Variants in TMEM192 observed in about 807,000 individuals in gnomAD.
The protein encoded by TMEM192 is transmembrane protein 192.
In TMEM192, 20 loss-of-function variants were observed where a neutral mutation model predicts 26.7. The ratio of observed to expected loss-of-function variants is 0.75; its 90% CI spans 0.53 to 1.09. The LOEUF (loss-of-function observed/expected upper bound fraction) is 1.09. TMEM192 is among the 50% of genes least tolerant of loss of function. TMEM192 has a pLI of 0.00. For missense variants in TMEM192, 304 were observed against 322.6 expected (o/e 0.94, Z 0.44); for synonymous variants, 124 against 121.0 (o/e 1.02, Z -0.16).
In TMEM192 at chr4:165,081,604, G is replaced by A. The variant is rs1195078401; in HGVS notation, c.678-1808C>T. 1.4e-4 allele frequency among the ~76,000 whole-genome samples: 5 copies of A among 36,940 alleles called. 2 individuals are homozygous for A. The highest frequency in any genetic ancestry group is 7.4e-4 in the Admixed American group (2 of 2,686). 24.2% of individuals were successfully genotyped at this position (36,940 alleles called of 152,430 possible). A position where few individuals can be genotyped will look rare whatever the true frequency, so the allele number is the denominator to read the frequency against. ...GATGGGGTTTCACCATATTAGCCAG[G>A]ATGGTCTCGATATCCTGACCCCATG... On this transcript the variant is annotated intron_variant, in intron 5 of 5. Coordinates refer to ENST00000306480, the MANE Select transcript of TMEM192 (RefSeq NM_001100389.2).
intron 3 of TMEM192, among the ~76,000 whole-genome samples, chr4:165,096,740 A>G (rs1021506962): frequency 6.6e-6 from 1 of 151,998 alleles, no homozygotes; most frequent in Non-Finnish European, 1.5e-5. Context: ...CATAAACGTG[A>G]TATCACCTGT....
rs989010782 is a variant in TMEM192, at chr4:165,073,204, G to C, written c.*6454C>G. The C allele has an allele frequency of 1.3e-5, 2 of 153,060 alleles. No homozygotes were observed. Among genetic ancestry groups the C allele is most frequent in the African/African-American group, 4.8e-5 (2 of 41,440 alleles). 9.5% of individuals were successfully genotyped at this position (153,060 alleles called of 1,614,324 possible). ...AAGAAGACATAAGAAACTCCATTTT[G>C]ATCTGTACTAAGAAAAATTGTTTCT... On this transcript the variant is annotated 3_prime_UTR_variant, in exon 6 of 6. Coordinates refer to ENST00000306480, the MANE Select transcript of TMEM192 (RefSeq NM_001100389.2).
Position 165,079,343 on chromosome 4 carries a change from T to A in TMEM192, c.*315A>T, listed in dbSNP as rs1041513946. On this transcript the variant is annotated 3_prime_UTR_variant, in exon 6 of 6. Coordinates refer to ENST00000306480, the MANE Select transcript of TMEM192 (RefSeq NM_001100389.2). The stretch of plus-strand genomic sequence containing the variant: ...TAATGAAATCATTACAGGGTTCTAA[T>A]GTCAGGTGGAAAAGTGTTGACTATG... 4.1e-6 allele frequency: 1 copy of A among 244,286 alleles called. No homozygotes were observed. Among genetic ancestry groups the A allele is most frequent in the Non-Finnish European group, 7.8e-6 (1 of 128,668 alleles). The allele number at this position is 244,286 out of a possible 1,614,324, so 15.1% of individuals were successfully genotyped here. A position where few individuals can be genotyped will look rare whatever the true frequency, so the allele number is the denominator to read the frequency against.
intron 3 of TMEM192, among the ~76,000 whole-genome samples, chr4:165,092,908 AT>A (rs1578905358): frequency 6.6e-6 from 1 of 151,660 alleles, no homozygotes; most frequent in Non-Finnish European, 1.5e-5. Flanking sequence ...TAAAAAAAAA[AT>A]AATAAAAATA....
rs1266551381 is a variant in TMEM192 at position 165,079,619 on chromosome 4, CTGGG to C, written c.*35_*38del. On this transcript the variant is annotated 3_prime_UTR_variant, in exon 6 of 6. Transcript: ENST00000306480. ...AGGTGGTCAGTCAGTCTCAATTACT[CTGGG>C]TTCCTCTGCAATTGCTGTCATGACC... is the stretch of plus-strand genomic sequence containing the variant. 6.3e-7 allele frequency: 1 copy of C among 1,584,348 alleles called. No individual in the cohort carries two copies. The highest frequency in any genetic ancestry group is 1.8e-5 in the Admixed American group (1 of 56,232).
chr4:165,090,061 A>T (rs550398424), intron 3 of TMEM192, among the ~76,000 whole-genome samples: 1 of 151,968 alleles, frequency 6.6e-6, no homozygotes, highest in East Asian at 1.9e-4. Context: ...AAAATACAAA[A>T]TTAGCTGGGC....
chr4:165,081,044 G>GA (rs1409779463), intron 5 of TMEM192, among the ~76,000 whole-genome samples: 2 of 151,932 alleles, frequency 1.3e-5, no homozygotes, highest in Non-Finnish European at 2.9e-5. Flanking sequence ...AGCATAACAT[G>GA]AAAAAAACTT....
intron 3 of TMEM192, among the ~76,000 whole-genome samples, chr4:165,094,186 C>A (rs1299072154): frequency 6.6e-6 from 1 of 152,164 alleles, no homozygotes; most frequent in African/African-American, 2.4e-5. Flanking sequence ...CAGGCGTGAG[C>A]CACAGCACCT....
At chr4:165,109,872 G>T (rs1735253551) in intron 1 of TMEM192, among the ~76,000 whole-genome samples, 2 of 152,086 alleles carry the variant, frequency 1.3e-5, no homozygotes, top group African/African-American at 4.8e-5. Context: ...CTATAAAACT[G>T]GCCTTGTTAA....
chr4:165,097,505 A>AAG (rs1172218603), intron 3 of TMEM192, among the ~76,000 whole-genome samples: 1 of 149,410 alleles, frequency 6.7e-6, no homozygotes, highest in East Asian at 1.9e-4. Flanking sequence ...AAAAAAAAAA[A>AAG]AAAAAGAAAA....
At position 165,107,302 on chromosome 4, in the gene TMEM192, G is replaced by A. The variant is rs1031777511; in HGVS notation, c.28-4206C>T. Among the ~76,000 whole-genome samples, 98 of 147,228 alleles carry A rather than the reference G, an allele frequency of 6.7e-4. 1 individual carries two copies. Among genetic ancestry groups the A allele is most frequent in the African/African-American group, 2.3e-3 (93 of 39,698 alleles). ...CTCCCAAAGTGCTGGGATTACAGGTGTGAACCACTGTACCCAACCTTTTTT... is the reference window on the plus strand; with the variant it reads ...CTCCCAAAGTGCTGGGATTACAGGTATGAACCACTGTACCCAACCTTTTTT... On this transcript the variant is annotated intron_variant, in intron 1 of 5. Transcript: ENST00000306480.
chr4:165,077,911 G>T lies in TMEM192; in HGVS notation c.*1747C>A. The stretch of plus-strand genomic sequence containing the variant: ...AATTTGGCTTTAGTTTGTGAATGTT[G>T]TGTGCAGGTGACACACGATCTTTTT... On this transcript the variant is annotated 3_prime_UTR_variant, in exon 6 of 6. Coordinates refer to ENST00000306480, the MANE Select transcript of TMEM192 (RefSeq NM_001100389.2). 6.6e-6 allele frequency: 1 copy of T among 150,798 alleles called. No individual in the cohort carries two copies. The highest frequency in any genetic ancestry group is 1.5e-5 in the Non-Finnish European group (1 of 67,786). 9.3% of individuals were successfully genotyped at this position (150,798 alleles called of 1,614,324 possible).
At chr4:165,106,785 G>A (rs1735169787) in intron 1 of TMEM192, among the ~76,000 whole-genome samples, 1 of 152,182 alleles carries the variant, frequency 6.6e-6, no homozygotes, top group Non-Finnish European at 1.5e-5. Context: ...AACTTGGACT[G>A]AGCCACTACC....
chr4:165,112,611 G>A, intron 1 of TMEM192, 136 bp downstream of exon 1: 1 of 1,316,614 alleles, frequency 7.6e-7, no homozygotes, highest in African/African-American at 1.5e-5. Context: ...GGCCTCCCCG[G>A]GCACAGGCGG....
intron 1 of TMEM192, among the ~76,000 whole-genome samples, chr4:165,106,486 G>C (rs1381369579): frequency 6.6e-6 from 1 of 152,222 alleles, no homozygotes; most frequent in Non-Finnish European, 1.5e-5. Flanking sequence ...TGAGTCAGTG[G>C]ACTGGGAGAG....
intron 5 of TMEM192, among the ~76,000 whole-genome samples, chr4:165,084,158 G>T (rs1156978466): frequency 6.6e-6 from 1 of 151,494 alleles, no homozygotes; most frequent in Non-Finnish European, 1.5e-5. Context: ...TAGTACATCA[G>T]TAATGGCACT....
At chr4:165,083,848 G>A (rs1560925796) in intron 5 of TMEM192, among the ~76,000 whole-genome samples, 1 of 25,944 alleles carries the variant, frequency 3.9e-5, no homozygotes, top group African/African-American at 6.6e-5. Flanking sequence ...TCGAGACAGA[G>A]TCTTGCTCTG....
intron 3 of TMEM192, among the ~76,000 whole-genome samples, chr4:165,092,112 C>CTTTTTTTTTTTTTTTTTT (rs35641833): frequency 2.8e-5 from 2 of 72,074 alleles, no homozygotes; most frequent in African/African-American, 1.3e-4. Context: ...TAATGCTGTT[C>CTTTTTTTTTTTTTTTTTT]TTTTTTTTTT....
intron 1 of TMEM192, chr4:165,111,804 C>T (rs146954947): frequency 1.3e-4 from 20 of 152,310 alleles, no homozygotes; most frequent in African/African-American, 4.6e-4. Flanking sequence ...TCATGTTTCT[C>T]TTCCTTTTCC....
Sources: allele counts gnomAD v4.1 joint callset (sites outside exome capture counted in the v4.1 genomes callset), GRCh38; gene constraint gnomAD v4.1.1; transcripts MANE v1.5; gene names NCBI Gene and HGNC (gene_info 2026-07-23, HGNC 2026-07-21).